The following CDC42BPA variants were observed in gnomAD, a reference collection of about 807,000 sequenced individuals.
The protein encoded by CDC42BPA is CDC42 binding protein kinase alpha, also known as serine/threonine-protein kinase MRCK alpha.
In CDC42BPA, 80 loss-of-function variants were observed where a neutral mutation model predicts 223.5. The ratio of observed to expected loss-of-function variants is 0.36; its 90% CI spans 0.30 to 0.43. The LOEUF (loss-of-function observed/expected upper bound fraction) is 0.43, where lower values mean the gene tolerates loss of function less well. Ranked by LOEUF, CDC42BPA falls within the 20% of genes least tolerant of loss-of-function variation. CDC42BPA has a pLI of 1.00. For synonymous variants in CDC42BPA, 694 were observed against 718.6 expected (o/e 0.97, Z 0.55); for missense variants, 1,743 against 2,099.9 (o/e 0.83, Z 3.32).
intron 16 of CDC42BPA, among the ~76,000 whole-genome samples, chr1:227,083,951 T>C (rs1349359093): frequency 6.6e-6 from 1 of 152,190 alleles, no homozygotes; most frequent in Admixed American, 6.5e-5. Flanking sequence ...ACTTCCTAGA[T>C]TCTGAGGTTT....
At chr1:227,016,011 A>G (rs1666158047) in intron 34 of CDC42BPA, 69 bp downstream of exon 34, 7 of 786,342 alleles carry the variant, frequency 8.9e-6, no homozygotes, top group Non-Finnish European at 1.6e-5. Context: ...CTACCCATGT[A>G]TTTAAGCCTA....
At chr1:227,025,993 T>C in intron 31 of CDC42BPA, 62 bp downstream of exon 31, 6 of 851,452 alleles carry the variant, frequency 7.0e-6, no homozygotes, top group Non-Finnish European at 7.6e-6. Flanking sequence ...AATTACTATG[T>C]AGTAATTTAG....
chr1:227,031,386 T>C lies in CDC42BPA; in HGVS notation c.3687A>G (p.Lys1229=), dbSNP rs547617722. Reference sequence around the variant, plus strand: ...GAACATAGACTGAGCGGTCTCTGAATTTGTTTTTCTTCAAAATCTTGTGCA... The same window carrying C: ...GAACATAGACTGAGCGGTCTCTGAACTTGTTTTTCTTCAAAATCTTGTGCA... ...SELHKILKKN[K]FRDRSVYVPK... Residue 1229 remains lysine, a synonymous_variant, in exon 28 of 37, where the codon AAA becomes AAG. Coordinates refer to ENST00000366766, the MANE Select transcript of CDC42BPA (RefSeq NM_001394014.1). 12 of 1,614,146 alleles carry C rather than the reference T, an allele frequency of 7.4e-6. No homozygotes were observed. The African/African-American group carries it at 1.3e-4, about 18-fold the overall frequency.
At chr1:227,200,473 A>G (rs1671565301) in intron 3 of CDC42BPA, among the ~76,000 whole-genome samples, 1 of 151,420 alleles carries the variant, frequency 6.6e-6, no homozygotes, top group Non-Finnish European at 1.5e-5. Flanking sequence ...AAGAAAGAAA[A>G]CAAAAACAAA....
At chr1:227,193,024 T>G (rs1472625302) in intron 5 of CDC42BPA, among the ~76,000 whole-genome samples, 2 of 151,596 alleles carry the variant, frequency 1.3e-5, no homozygotes, top group Non-Finnish European at 2.9e-5. Flanking sequence ...AGTGGTTTTT[T>G]AAGAAGTGAT....
intron 5 of CDC42BPA, among the ~76,000 whole-genome samples, chr1:227,163,117 T>C (rs1258663780): frequency 1.0e-5 from 1 of 99,004 alleles, no homozygotes; most frequent in African/African-American, 4.1e-5. Context: ...TATATGTGTG[T>C]ATGTTTCCAA....
chr1:227,109,188 C>T (rs1216083800), intron 14 of CDC42BPA, among the ~76,000 whole-genome samples: 1 of 152,096 alleles, frequency 6.6e-6, no homozygotes, highest in Non-Finnish European at 1.5e-5. Flanking sequence ...CATTACTGTA[C>T]ACTACTGGAG....
chr1:227,080,996 A>C lies in CDC42BPA; in HGVS notation c.2377T>G (p.Leu793Val). The change falls in exon 17 of 37, where the codon TTA (leucine) becomes GTA (valine). Residue 793 changes from leucine (L) to valine (V), a missense_variant. By Grantham distance (32) the Leu-to-Val change is conservative. Around this residue, in one of 6 missense-constraint regions of CDC42BPA, gnomAD observed 464 missense variants for 488.0 expected, o/e 0.95. Coordinates refer to ENST00000366766, the MANE Select transcript of CDC42BPA (RefSeq NM_001394014.1). ...LDKLTTLYEN[L>V]SIHNQQLEEE... ...TCTAACTGCTGGTTGTGTATACTTA[A>C]GTTCTCATACAAAGTAGTAAGCTGA... 1 of 1,613,578 alleles carries C rather than the reference A, an allele frequency of 6.2e-7. No individual in the cohort carries two copies. Among genetic ancestry groups the C allele is most frequent in the East Asian group, 2.2e-5 (1 of 44,822 alleles).
intron 6 of CDC42BPA, among the ~76,000 whole-genome samples, chr1:227,152,480 C>A (rs184018472): frequency 6.6e-6 from 1 of 151,858 alleles, no homozygotes; most frequent in Non-Finnish European, 1.5e-5. Context: ...GCAGAAAAAC[C>A]GATAAACTCT....
chr1:227,311,033 T>C (rs1424210665), intron 1 of CDC42BPA, among the ~76,000 whole-genome samples: 1 of 152,026 alleles, frequency 6.6e-6, no homozygotes. Context: ...TCTGGGATAA[T>C]CCATACTTAC....
chr1:227,073,768 A>G (rs1678906422), intron 19 of CDC42BPA, 96 bp downstream of exon 19: 1 of 1,007,098 alleles, frequency 9.9e-7, no homozygotes, highest in South Asian at 1.8e-5. Context: ...TCATTTTTCT[A>G]AAAGCAAGCA....
intron 3 of CDC42BPA, among the ~76,000 whole-genome samples, chr1:227,205,283 A>AAAAAT (rs1376021292): frequency 8.1e-6 from 1 of 122,778 alleles, no homozygotes; most frequent in African/African-American, 3.2e-5. Flanking sequence ...AAAAAAAAAA[A>AAAAAT]ATATATATAT....
intron 1 of CDC42BPA, among the ~76,000 whole-genome samples, chr1:227,276,882 T>C (rs1687174633): frequency 6.6e-6 from 1 of 151,820 alleles, no homozygotes; most frequent in Non-Finnish European, 1.5e-5. Context: ...GGCAGCATGC[T>C]CGTTAAGAGT....
intron 4 of CDC42BPA, among the ~76,000 whole-genome samples, chr1:227,196,983 G>A (rs950209305): frequency 6.6e-6 from 1 of 152,068 alleles, no homozygotes; most frequent in Non-Finnish European, 1.5e-5. Context: ...AAGAAAAAAA[G>A]ATCTAATCAC....
intron 10 of CDC42BPA, among the ~76,000 whole-genome samples, chr1:227,136,380 A>T (rs1658572251): frequency 6.6e-6 from 1 of 152,234 alleles, no homozygotes; most frequent in Admixed American, 6.5e-5. Flanking sequence ...GGAACAGAAC[A>T]GAGCATAAAG....
intron 31 of CDC42BPA, among the ~76,000 whole-genome samples, chr1:227,025,767 A>G (rs1377948553): frequency 6.6e-6 from 1 of 152,194 alleles, no homozygotes; most frequent in Non-Finnish European, 1.5e-5. Flanking sequence ...CCAAAAGTAG[A>G]AGATAACACT....
intron 2 of CDC42BPA, among the ~76,000 whole-genome samples, chr1:227,233,824 T>C (rs1336124742): frequency 1.3e-5 from 2 of 152,026 alleles, no homozygotes; most frequent in East Asian, 3.9e-4. Flanking sequence ...TCCCAGCTAC[T>C]CAGGAGGCTG....
intron 21 of CDC42BPA, among the ~76,000 whole-genome samples, chr1:227,060,656 A>G (rs1335163745): frequency 6.6e-6 from 1 of 152,046 alleles, no homozygotes; most frequent in Admixed American, 6.5e-5. Context: ...CAAGAATGAG[A>G]AACACTACCA....
chr1:227,211,837 G>A (rs1226395101), intron 3 of CDC42BPA, among the ~76,000 whole-genome samples: 1 of 151,956 alleles, frequency 6.6e-6, no homozygotes, highest in African/African-American at 2.4e-5. Flanking sequence ...TTGGGTGATG[G>A]GTTCACTAGA....
Sources: gnomAD v4.1 joint callset for allele counts (sites outside exome capture counted in the v4.1 genomes callset) on GRCh38, gnomAD v4.1.1 for gene constraint, gnomAD v4.1.1 regional missense constraint, MANE v1.5 for transcripts, NCBI Gene and HGNC (gene_info 2026-07-23, HGNC 2026-07-21) for gene names.